Variants in SEC61G observed in about 807,000 individuals in gnomAD.
SEC61G encodes the protein protein transport protein Sec61 subunit gamma.
A neutral mutation model predicts 7.5 loss-of-function variants in SEC61G; 4 were observed. The observed-to-expected ratio is 0.54, with a 90% confidence interval of 0.26 to 1.22. SEC61G has a LOEUF of 1.22. Ranked by LOEUF, SEC61G falls within the 50% of genes most tolerant of loss-of-function variation. The probability of loss-of-function intolerance (pLI) is 0.12; values close to 1 mark genes in which losing one functional copy is unlikely to be tolerated. For missense variants in SEC61G, 53 were observed against 84.6 expected (o/e 0.63, Z 1.46); for synonymous variants, 24 against 24.4 (o/e 0.98, Z 0.05).
intron 1 of SEC61G, among the ~76,000 whole-genome samples, chr7:54,757,971 C>T (rs1025071736): frequency 1.3e-5 from 2 of 152,208 alleles, no homozygotes; most frequent in African/African-American, 2.4e-5. Flanking sequence ...CCCCTCACCG[C>T]TCCTAAGGAA....
At chr7:54,759,102 G>A (rs1422586123) in intron 1 of SEC61G, 56 bp downstream of exon 1, 3 of 492,250 alleles carry the variant, frequency 6.1e-6, no homozygotes, top group Admixed American at 4.1e-5. Flanking sequence ...GCCCCCAAGA[G>A]TCGCAAAGGT....
chr7:54,754,067 C>T (rs1007412059), intron 3 of SEC61G, among the ~76,000 whole-genome samples: 7 of 152,126 alleles, frequency 4.6e-5, no homozygotes, highest in African/African-American at 1.7e-4. Flanking sequence ...TGCCTCACAA[C>T]TCATAATCTA....
At chr7:54,759,136 C>G in intron 1 of SEC61G, 22 bp downstream of exon 1, 1 of 518,256 alleles carries the variant, frequency 1.9e-6, no homozygotes, top group Non-Finnish European at 3.9e-6. Context: ...TCGCCCGTAC[C>G]GACCGGTGGG....
rs1791504086 is a variant in SEC61G, at chr7:54,755,897, G to T, written c.95-16C>A. The T allele has an allele frequency of 6.6e-7, 1 of 1,511,760 alleles. No individual in the cohort carries two copies. Among genetic ancestry groups the T allele is most frequent in the East Asian group, 2.3e-5 (1 of 43,024 alleles). The allele number at this position is 1,511,760 out of a possible 1,614,324, so 93.6% of individuals were successfully genotyped here. ...TTCTGGAATTCTGCATTTAAAAACA[G>T]GAAATTCACATATTTTTTGCACTGT... On this transcript the variant is annotated splice_polypyrimidine_tract_variant and intron_variant, in intron 2 of 3. Transcript: ENST00000352861.
At chr7:54,759,042 C>T (rs940022120) in intron 1 of SEC61G, 116 bp downstream of exon 1, 2 of 394,220 alleles carry the variant, frequency 5.1e-6, no homozygotes, top group Non-Finnish European at 1.0e-5. Context: ...ACTTACCGCC[C>T]GCCCCGCGAC....
rs568249663 is a variant in SEC61G, at chr7:54,752,281, A to G, written c.*130T>C. 5 of 539,070 alleles carry G rather than the reference A, an allele frequency of 9.3e-6. No individual in the cohort carries two copies. In the East Asian group the frequency reaches 1.2e-4, roughly 13 times the overall value. 33.4% of individuals were successfully genotyped at this position (539,070 alleles called of 1,614,324 possible). Reference sequence around the variant, plus strand: ...ACTTTGAAATTACTTTAATTTAGAAATAGAAAACATCTTGAAAGGAAAAAA... The same window carrying G: ...ACTTTGAAATTACTTTAATTTAGAAGTAGAAAACATCTTGAAAGGAAAAAA... On this transcript the variant is annotated 3_prime_UTR_variant, in exon 4 of 4. Transcript: ENST00000352861.
At chr7:54,756,946 A>G (rs1461081650) in intron 2 of SEC61G, among the ~76,000 whole-genome samples, 1 of 147,492 alleles carries the variant, frequency 6.8e-6, no homozygotes, top group Admixed American at 6.8e-5. Flanking sequence ...TATATACTAT[A>G]CTATATATAT....
chr7:54,755,605 C>A (rs1791497454), intron 3 of SEC61G, 174 bp downstream of exon 3: 1 of 399,628 alleles, frequency 2.5e-6, no homozygotes, highest in Non-Finnish European at 4.4e-6. Flanking sequence ...AATTTCTGGA[C>A]AGATCATGTA....
chr7:54,757,427 A>G, intron 2 of SEC61G, 68 bp downstream of exon 2: 1 of 1,229,756 alleles, frequency 8.1e-7, no homozygotes, highest in Non-Finnish European at 1.2e-6. Context: ...ATTAATCAAG[A>G]TGTTAATCAA....
chr7:54,757,909 A>T (rs1360609691), intron 1 of SEC61G, among the ~76,000 whole-genome samples: 1 of 152,246 alleles, frequency 6.6e-6, no homozygotes, highest in Non-Finnish European at 1.5e-5. Context: ...AATTGGTAAC[A>T]CATCCATTCC....
At chr7:54,757,212 G>C (rs1464918486) in intron 2 of SEC61G, among the ~76,000 whole-genome samples, 1 of 151,894 alleles carries the variant, frequency 6.6e-6, no homozygotes, top group Non-Finnish European at 1.5e-5. Context: ...CTTTTCCAAA[G>C]AGAAAATATG....
intron 2 of SEC61G, 73 bp from the exon 3 acceptor site, chr7:54,755,954 A>G: frequency 1.4e-6 from 1 of 729,972 alleles, no homozygotes; most frequent in Non-Finnish European, 2.3e-6. Context: ...ACTATCAGCA[A>G]CATAAATGAA....
At chr7:54,755,996 A>G in intron 2 of SEC61G, 115 bp from the exon 3 acceptor site, 1 of 482,034 alleles carries the variant, frequency 2.1e-6, no homozygotes, top group South Asian at 4.1e-5. Flanking sequence ...CTGTTAATAG[A>G]TATATAATTT....
chr7:54,754,212 G>C (rs1479233912), intron 3 of SEC61G, among the ~76,000 whole-genome samples: 1 of 152,198 alleles, frequency 6.6e-6, no homozygotes, highest in African/African-American at 2.4e-5. Context: ...GAAAAGGTGG[G>C]CTTACGTGTT....
At chr7:54,753,162 G>A (rs1347050410) in intron 3 of SEC61G, among the ~76,000 whole-genome samples, 1 of 152,010 alleles carries the variant, frequency 6.6e-6, no homozygotes. Flanking sequence ...GCATGGTGGG[G>A]TGCAACTGTA....
intron 1 of SEC61G, 25 bp from the exon 2 acceptor site, chr7:54,757,619 A>G: frequency 1.9e-6 from 3 of 1,583,258 alleles, no homozygotes; most frequent in South Asian, 2.2e-5. Context: ...AAAGATACTC[A>G]CTGGTATTGG....
intron 3 of SEC61G, chr7:54,755,065 T>C (rs1163538822): frequency 6.6e-6 from 1 of 152,200 alleles, no homozygotes. Flanking sequence ...AATTGCTCAA[T>C]GCCACAAGGT....
chr7:54,755,874 C>T lies in SEC61G; in HGVS notation c.102G>A (p.Gln34=), dbSNP rs1420842442. The change falls in exon 3 of 4, where the codon CAG becomes CAA. Residue 34 remains glutamine (Q), a synonymous_variant. Transcript: ENST00000352861. ...RCTKPDRKEF[Q]KIAMATAIGF... Reference sequence around the variant, plus strand: ...CTATTGCTGTTGCCATGGCAATCTTCTGGAATTCTGCATTTAAAAACAGGA... The same window carrying T: ...CTATTGCTGTTGCCATGGCAATCTTTTGGAATTCTGCATTTAAAAACAGGA... 1 of 1,570,532 alleles carries T rather than the reference C, an allele frequency of 6.4e-7. No individual in the cohort carries two copies. Among genetic ancestry groups the T allele is most frequent in the South Asian group, 1.2e-5 (1 of 83,812 alleles).
At chr7:54,757,461 G>A (rs1791542425) in intron 2 of SEC61G, 34 bp downstream of exon 2, 3 of 1,544,614 alleles carry the variant, frequency 1.9e-6, no homozygotes. Context: ...AAAATGCAAA[G>A]ATTTAATTTT....
Sources: gnomAD v4.1 joint callset for allele counts (sites outside exome capture counted in the v4.1 genomes callset) on GRCh38, gnomAD v4.1.1 for gene constraint, MANE v1.5 for transcripts, NCBI Gene and HGNC (gene_info 2026-07-23, HGNC 2026-07-21) for gene names.